CEP85L: variants seen among roughly 807,000 people sequenced by gnomAD.
CEP85L encodes the protein centrosomal protein 85L.
Under a neutral mutation model 100.3 loss-of-function variants are expected in CEP85L, and 60 were observed. That is an observed-to-expected ratio of 0.60 (90% confidence interval 0.49 to 0.74). The LOEUF (loss-of-function observed/expected upper bound fraction) is 0.74, where lower values mean the gene tolerates loss of function less well. CEP85L is among the 30% of genes least tolerant of loss of function. The probability of loss-of-function intolerance (pLI) is 0.00; values close to 1 mark genes in which losing one functional copy is unlikely to be tolerated. For missense variants in CEP85L, 973 were observed against 936.2 expected (o/e 1.04, Z -0.51); for synonymous variants, 319 against 322.7 (o/e 0.99, Z 0.12).
intron 6 of CEP85L, among the ~76,000 whole-genome samples, chr6:118,490,730 A>G (rs144920121): frequency 1.2e-4 from 18 of 152,354 alleles, no homozygotes; most frequent in African/African-American, 3.8e-4. Context: ...ACACTGTAGT[A>G]TATCTTTATA....
At chr6:118,637,040 A>T (rs1272892500) in intron 1 of CEP85L, among the ~76,000 whole-genome samples, 1 of 152,222 alleles carries the variant, frequency 6.6e-6, no homozygotes, top group Admixed American at 6.5e-5. Context: ...AAAGAACAAT[A>T]GTTGTAATCC....
rs1772422046 is a variant in CEP85L, at chr6:118,465,106, C to T, written c.*299G>A. The T allele has an allele frequency of 3.7e-6, 1 of 271,134 alleles. No individual in the cohort carries two copies. The highest frequency in any genetic ancestry group is 2.2e-5 in the African/African-American group (1 of 44,562). The allele number at this position is 271,134 out of a possible 1,614,324, so 16.8% of individuals were successfully genotyped here. ...TATAGGATTAAAAGGAATCCTACTC[C>T]TTCATGTGAAGGGTACTCTTCACAG... On this transcript the variant is annotated 3_prime_UTR_variant, in exon 13 of 13. Transcript: ENST00000368491.
At chr6:118,628,545 A>G (rs72956993) in intron 2 of CEP85L, among the ~76,000 whole-genome samples, 3 of 149,008 alleles carry the variant, frequency 2.0e-5, no homozygotes, top group Non-Finnish European at 4.5e-5. Flanking sequence ...TTATTTAATT[A>G]AAAAAAAAAG....
At chr6:118,487,726 C>T (rs1774283131) in intron 6 of CEP85L, among the ~76,000 whole-genome samples, 1 of 152,152 alleles carries the variant, frequency 6.6e-6, no homozygotes, top group Admixed American at 6.5e-5. Flanking sequence ...CTAATAGGAC[C>T]ATGACACTCT....
At chr6:118,578,912 T>C (rs1780403361) in intron 2 of CEP85L, among the ~76,000 whole-genome samples, 1 of 152,116 alleles carries the variant, frequency 6.6e-6, no homozygotes, top group Non-Finnish European at 1.5e-5. Context: ...TTGAGTTTTT[T>C]TGAGACAAAG....
At chr6:118,673,760 C>A (rs1776389470) in intron 1 of CEP85L, among the ~76,000 whole-genome samples, 1 of 152,148 alleles carries the variant, frequency 6.6e-6, no homozygotes, top group Non-Finnish European at 1.5e-5. Context: ...TAAACACAAT[C>A]ATCAGAATAA....
chr6:118,634,178 T>C (rs1206069648), intron 1 of CEP85L, among the ~76,000 whole-genome samples: 1 of 152,256 alleles, frequency 6.6e-6, no homozygotes, highest in Non-Finnish European at 1.5e-5. Flanking sequence ...GAAACCGGCA[T>C]GCAAGGAATG....
intron 2 of CEP85L, among the ~76,000 whole-genome samples, chr6:118,626,068 C>T (rs891595056): frequency 6.6e-6 from 1 of 152,122 alleles, no homozygotes. Flanking sequence ...CGCCCAGTTC[C>T]CAACAGCAGT....
chr6:118,602,408 A>G (rs9481835), intron 2 of CEP85L, among the ~76,000 whole-genome samples: 4,411 of 152,314 alleles, frequency 0.029, 107 homozygotes, highest in African/African-American at 0.056. Context: ...GAACTGGACA[A>G]CTGTTGAAAC....
chr6:118,537,960 A>C (rs1051547968), intron 3 of CEP85L: 3 of 899,618 alleles, frequency 3.3e-6, no homozygotes. Context: ...AAAAGTAAAT[A>C]AATTCACAAA....
Position 118,680,305 on chromosome 6 carries a change from GCTTTTT to G in CEP85L, c.-27-27503_-27-27498del, listed in dbSNP as rs149729658. Among the ~76,000 whole-genome samples the G allele has an allele frequency of 3.1e-3, 266 of 85,578 alleles. 4 individuals are homozygous for G. The highest frequency in any genetic ancestry group is 0.013 in the South Asian group (38 of 2,832). 56.1% of individuals were successfully genotyped at this position (85,578 alleles called of 152,430 possible). A position where few individuals can be genotyped will look rare whatever the true frequency, so the allele number is the denominator to read the frequency against. On this transcript the variant is annotated intron_variant, in intron 1 of 13. Coordinates refer to the CEP85L transcript ENST00000368488. ...AAAAAAAGAATCTTTCCTTGGTGTT[GCTTTTT>G]TTTTTTTTTTTTTTTTTTTGACAAA...
chr6:118,580,535 G>A (rs1240075336), intron 2 of CEP85L, among the ~76,000 whole-genome samples: 1 of 152,220 alleles, frequency 6.6e-6, no homozygotes, highest in Non-Finnish European at 1.5e-5. Context: ...TGTGAGGCTT[G>A]CTGGTGAGAA....
chr6:118,483,562 TTAGA>T, intron 7 of CEP85L, 140 bp downstream of exon 7: 1 of 670,420 alleles, frequency 1.5e-6, no homozygotes, highest in Non-Finnish European at 2.5e-6. Flanking sequence ...TTATGCATGC[TTAGA>T]TAAACAAAGT....
intron 1 of CEP85L, among the ~76,000 whole-genome samples, chr6:118,666,132 A>G (rs1776126908): frequency 6.6e-6 from 1 of 152,216 alleles, no homozygotes; most frequent in African/African-American, 2.4e-5. Flanking sequence ...ATTCCTGGCT[A>G]CTTTGCTGGA....
intron 1 of CEP85L, among the ~76,000 whole-genome samples, chr6:118,643,576 A>G (rs748300800): frequency 1.2e-4 from 18 of 152,218 alleles, no homozygotes; most frequent in Non-Finnish European, 2.5e-4. Context: ...GGCATACAAC[A>G]GTTTCTGATC....
At chr6:118,697,446 C>T (rs117903949) in intron 1 of CEP85L, among the ~76,000 whole-genome samples, 80 of 152,262 alleles carry the variant, frequency 5.3e-4, no homozygotes, top group East Asian at 4.4e-3. Context: ...AAATCAAGGA[C>T]GATATACCAC....
intron 6 of CEP85L, among the ~76,000 whole-genome samples, chr6:118,490,051 T>C (rs1165138928): frequency 6.6e-6 from 1 of 151,944 alleles, no homozygotes; most frequent in Non-Finnish European, 1.5e-5. Context: ...AGAAATCCCA[T>C]CATTTGTGAC....
chr6:118,572,828 G>A (rs1019478231), intron 2 of CEP85L, among the ~76,000 whole-genome samples: 9 of 152,088 alleles, frequency 5.9e-5, no homozygotes, highest in Non-Finnish European at 1.0e-4. Context: ...TTGGGAGGCC[G>A]AGGCGGGCAG....
At chr6:118,491,514 C>A in intron 6 of CEP85L, 172 bp downstream of exon 6, 2 of 1,357,040 alleles carry the variant, frequency 1.5e-6, no homozygotes, top group Non-Finnish European at 1.9e-6. Context: ...AAAGAAAATC[C>A]TTGGATTTCT....
Sources: allele counts gnomAD v4.1 joint callset (sites outside exome capture counted in the v4.1 genomes callset), GRCh38; gene constraint gnomAD v4.1.1; transcripts MANE v1.5; gene names NCBI Gene and HGNC (gene_info 2026-07-23, HGNC 2026-07-21).